The following NUTM2E variants were observed in gnomAD, a reference collection of about 807,000 sequenced individuals.
The protein encoded by NUTM2E is family with sequence similarity 22, member E.
In NUTM2E, 3 loss-of-function variants were observed where a neutral mutation model predicts 26.1. The observed-to-expected ratio is 0.12, with a 90% CI of 0.05 to 0.30. NUTM2E has a LOEUF of 0.30. NUTM2E is among the 10% of genes least tolerant of loss of function. The pLI is 1.00. For missense variants in NUTM2E, 62 were observed against 381.3 expected (o/e 0.16, Z 6.97); for synonymous variants, 13 against 157.5 (o/e 0.08, Z 6.87).
chr10:79,827,592 G>A (rs1841893820), intron 1 of NUTM2E: 1 of 150,424 alleles, frequency 6.6e-6, no homozygotes, highest in Admixed American at 6.6e-5. Flanking sequence ...AAATTTTGGA[G>A]TGTAAACATA....
chr10:79,833,920 A>G (rs1841944355), intron 1 of NUTM2E, among the ~76,000 whole-genome samples: 1 of 151,906 alleles, frequency 6.6e-6, no homozygotes, highest in South Asian at 2.1e-4. Flanking sequence ...ATGTATGTTT[A>G]TTGCAGCACT....
chr10:79,838,946 G>T lies in NUTM2E; in HGVS notation c.-2283G>T, dbSNP rs1744227. ...CCCGCCTCAAGGCTCCTGCGGCGGC[G>T]CACAGGGCAGGCCAGGAGCCCGCCC... On this transcript the variant is annotated 5_prime_UTR_variant, in exon 3 of 10. Coordinates refer to ENST00000429984, the MANE Select transcript of NUTM2E (RefSeq NM_001355263.2). Among the ~76,000 whole-genome samples the T allele has an allele frequency of 6.8e-6, 1 of 147,726 alleles. No individual in the cohort carries two copies. Among genetic ancestry groups the T allele is most frequent in the South Asian group, 2.2e-4 (1 of 4,608 alleles).
intron 1 of NUTM2E, among the ~76,000 whole-genome samples, chr10:79,837,610 CAAAGA>C (rs1416431414): frequency 1.3e-5 from 2 of 151,920 alleles, no homozygotes; most frequent in Non-Finnish European, 2.9e-5. Flanking sequence ...CAGTTAATTT[CAAAGA>C]AAATAAACAA....
intron 1 of NUTM2E, among the ~76,000 whole-genome samples, chr10:79,834,323 T>C (rs1841946928): frequency 6.6e-6 from 1 of 151,818 alleles, no homozygotes; most frequent in Non-Finnish European, 1.5e-5. Context: ...GCCTGCATCT[T>C]CTACACATGT....
chr10:79,832,025 G>A (rs201942252), intron 1 of NUTM2E, among the ~76,000 whole-genome samples: 4 of 146,874 alleles, frequency 2.7e-5, no homozygotes, highest in African/African-American at 1.0e-4. Context: ...GACTGAGAGA[G>A]AGAAAGAGAT....
intron 1 of NUTM2E, among the ~76,000 whole-genome samples, chr10:79,831,545 G>T (rs564996014): frequency 2.4e-4 from 37 of 151,636 alleles, no homozygotes; most frequent in African/African-American, 8.7e-4. Flanking sequence ...GTCAATTATT[G>T]TGAACAATTT....
chr10:79,839,246 A>G (rs1841984498), intron 3 of NUTM2E, among the ~76,000 whole-genome samples, 131 bp downstream of exon 3: 1 of 150,796 alleles, frequency 6.6e-6, no homozygotes, highest in Non-Finnish European at 1.5e-5. Context: ...CATTGATTTC[A>G]TTCCTGCTCA....
chr10:79,833,180 A>G (rs1261133146), intron 1 of NUTM2E, among the ~76,000 whole-genome samples: 2 of 151,906 alleles, frequency 1.3e-5, no homozygotes, highest in African/African-American at 4.8e-5. Context: ...ACAGTCCCCA[A>G]AAAGCAATTA....
At chr10:79,829,529 A>T (rs1056977529) in intron 1 of NUTM2E, among the ~76,000 whole-genome samples, 1 of 151,952 alleles carries the variant, frequency 6.6e-6, no homozygotes, top group African/African-American at 2.4e-5. Flanking sequence ...CACTACACTG[A>T]ACTATACCAC....
rs1468121232 is a variant in NUTM2E at position 79,827,784 on chromosome 10, GTTTTTTTTTTGTT to G, written c.-2728+438_-2728+450del. Among the ~76,000 whole-genome samples the G allele has an allele frequency of 2.6e-4, 27 of 102,968 alleles. No homozygotes were observed. The East Asian group carries it at 4.1e-3, about 16-fold the overall frequency. The allele number at this position is 102,968 out of a possible 152,430, so 67.6% of individuals were successfully genotyped here. A position where few individuals can be genotyped will look rare whatever the true frequency, so the allele number is the denominator to read the frequency against. ...CCCATACTAAATGAATTATTTAGTG[GTTTTTTTTTTGTT>G]TTTTTTTTTTTGTTTTTTTTTGTGA... On this transcript the variant is annotated intron_variant, in intron 1 of 9. Coordinates refer to ENST00000429984, the MANE Select transcript of NUTM2E (RefSeq NM_001355263.2).
In NUTM2E at chr10:79,826,832, G is replaced by A. The variant is rs1344502735; in HGVS notation, c.-3253G>A. 2 of 151,692 alleles carry A rather than the reference G, an allele frequency of 1.3e-5. No homozygotes were observed. The highest frequency in any genetic ancestry group is 2.9e-5 in the Non-Finnish European group (2 of 67,848). 9.4% of individuals were successfully genotyped at this position (151,692 alleles called of 1,614,324 possible). ...GCGCAGTGCACGCTGGGCCGCCCCG[G>A]AGCGATCGCAGAGCCCGTCGGGAGT... On this transcript the variant is annotated 5_prime_UTR_variant, in exon 1 of 10. Transcript: ENST00000429984.
chr10:79,830,705 T>C (rs1841922345), intron 1 of NUTM2E, among the ~76,000 whole-genome samples: 1 of 151,588 alleles, frequency 6.6e-6, no homozygotes, highest in East Asian at 1.9e-4. Context: ...ATTAGCAAAA[T>C]ACAAAAAAAA....
intron 1 of NUTM2E, among the ~76,000 whole-genome samples, chr10:79,830,673 AT>A (rs1323791920): frequency 5.4e-5 from 7 of 128,446 alleles, no homozygotes; most frequent in Non-Finnish European, 1.1e-4. Context: ...AATAAAAAAT[AT>A]TATTATTTTA....
At position 79,838,054 on chromosome 10, in the gene NUTM2E, C is replaced by T. The variant is rs1379931714; in HGVS notation, c.-2727-255C>T. ...AGTTCTATTCTCCCATAAGGCTGGC[C>T]ATGGAAACTAGAATCTCTCTTCCAC... On this transcript the variant is annotated intron_variant, in intron 1 of 9. Transcript: ENST00000429984. Among the ~76,000 whole-genome samples the T allele has an allele frequency of 5.9e-5, 9 of 151,548 alleles. 1 individual carries two copies. The highest frequency in any genetic ancestry group is 6.6e-5 in the Admixed American group (1 of 15,178).
rs1192066845 is a variant in NUTM2E at position 79,840,146 on chromosome 10, TATG to T, written c.-1592_-1590del. ...ATTCTGCGCTTCTTCAGTATCTGAG[TATG>T]ATATTTTGCTTCAACATCCCTCTTA... On this transcript the variant is annotated 5_prime_UTR_variant, in exon 4 of 10. The change abolishes an upstream ATG in the 5' untranslated region. Transcript: ENST00000429984. 1.4e-5 allele frequency among the ~76,000 whole-genome samples: 2 copies of T among 140,344 alleles called. No individual in the cohort carries two copies. Among genetic ancestry groups the T allele is most frequent in the Non-Finnish European group, 3.1e-5 (2 of 64,542 alleles). The allele number at this position is 140,344 out of a possible 152,430, so 92.1% of individuals were successfully genotyped here. A position where few individuals can be genotyped will look rare whatever the true frequency, so the allele number is the denominator to read the frequency against.
rs909255549 is a variant in NUTM2E, at chr10:79,827,090, A to G, written c.-2995A>G. 1 of 151,638 alleles carries G rather than the reference A, an allele frequency of 6.6e-6. No homozygotes were observed. The highest frequency in any genetic ancestry group is 2.4e-5 in the African/African-American group (1 of 41,174). The allele number at this position is 151,638 out of a possible 1,614,324, so 9.4% of individuals were successfully genotyped here. A position where few individuals can be genotyped will look rare whatever the true frequency, so the allele number is the denominator to read the frequency against. ...CTACGGCCCAGCCCCGCCCGCGGCGAGGTGCGCGGGGTTCGGTGCGAGCCC... is the reference window on the plus strand; with the variant it reads ...CTACGGCCCAGCCCCGCCCGCGGCGGGGTGCGCGGGGTTCGGTGCGAGCCC... On this transcript the variant is annotated 5_prime_UTR_variant, in exon 1 of 10. Transcript: ENST00000429984.
chr10:79,828,686 C>A (rs1440874861), intron 1 of NUTM2E, among the ~76,000 whole-genome samples: 2 of 151,868 alleles, frequency 1.3e-5, no homozygotes, highest in Non-Finnish European at 2.9e-5. Context: ...AAGAAAACTA[C>A]ATAGGTGTTT....
At chr10:79,834,845 A>AC (rs1841951646) in intron 1 of NUTM2E, among the ~76,000 whole-genome samples, 3 of 143,212 alleles carry the variant, frequency 2.1e-5, no homozygotes, top group African/African-American at 5.2e-5. Flanking sequence ...CACACACACA[A>AC]ACACACAAAC....
chr10:79,838,006 C>CTT (rs1252293159), intron 1 of NUTM2E, among the ~76,000 whole-genome samples: 4 of 151,358 alleles, frequency 2.6e-5, no homozygotes, highest in Non-Finnish European at 5.9e-5. Context: ...TTTCTCTGAC[C>CTT]TTCTCCAGTC....
Sources: allele counts gnomAD v4.1 joint callset (sites outside exome capture counted in the v4.1 genomes callset), GRCh38; gene constraint gnomAD v4.1.1; transcripts MANE v1.5; gene names NCBI Gene and HGNC (gene_info 2026-07-23, HGNC 2026-07-21).